SLCO3A1: variants seen among roughly 807,000 people sequenced by gnomAD.
The protein encoded by SLCO3A1 is PGE1 transporter.
In SLCO3A1, 27 loss-of-function variants were observed where a neutral mutation model predicts 63.1. That is an observed-to-expected ratio of 0.43 (90% CI 0.32 to 0.59). The LOEUF (loss-of-function observed/expected upper bound fraction) is 0.59. SLCO3A1 is among the 20% of genes least tolerant of loss of function. SLCO3A1 has a pLI of 0.09. For missense variants in SLCO3A1, 773 were observed against 945.8 expected, an observed-to-expected ratio of 0.82 and a Z score of 2.40; for synonymous variants, 473 against 409.9, an observed-to-expected ratio of 1.15 and a Z score of -1.86.
intron 2 of SLCO3A1, among the ~76,000 whole-genome samples, chr15:92,086,701 C>A (rs564283628): frequency 5.3e-5 from 8 of 152,104 alleles, no homozygotes; most frequent in African/African-American, 1.9e-4. Context: ...TTCAGCCGGG[C>A]GCAGTGGCTC....
intron 2 of SLCO3A1, among the ~76,000 whole-genome samples, chr15:92,062,712 C>G (rs750842701): frequency 6.6e-6 from 1 of 152,164 alleles, no homozygotes; most frequent in Non-Finnish European, 1.5e-5. Flanking sequence ...TCTGACATGC[C>G]AGGTCACTCT....
chr15:92,165,070 T>C lies in SLCO3A1; in HGVS notation c.*1935T>C, dbSNP rs2048482513. The C allele has an allele frequency of 1.0e-6, 1 of 985,202 alleles. No individual in the cohort carries two copies. The highest frequency in any genetic ancestry group is 1.2e-6 in the Non-Finnish European group (1 of 829,880). 61.0% of individuals were successfully genotyped at this position (985,202 alleles called of 1,614,324 possible). The stretch of plus-strand genomic sequence containing the variant: ...ATGGTTGGGAGTGGGACAGGTATGG[T>C]ACCGAATTTTTAATGAACATTGTAA... On this transcript the variant is annotated 3_prime_UTR_variant, in exon 10 of 10. Transcript: ENST00000318445.
At chr15:91,892,526 T>G (rs188374033) in intron 1 of SLCO3A1, among the ~76,000 whole-genome samples, 5 of 152,212 alleles carry the variant, frequency 3.3e-5, no homozygotes, top group Non-Finnish European at 5.9e-5. Context: ...AGTATTTTCC[T>G]GACCTGCATT....
downstream of SLCO3A1, among the ~76,000 whole-genome samples, chr15:92,169,322 C>T (rs1460387763): frequency 6.6e-6 from 1 of 152,156 alleles, no homozygotes; most frequent in Admixed American, 6.5e-5. Flanking sequence ...CCAGACAGAC[C>T]CATAACCACT....
chr15:92,056,122 C>G (rs12911260), intron 2 of SLCO3A1, among the ~76,000 whole-genome samples: 93,226 of 151,864 alleles, frequency 0.61, 30,179 homozygotes, highest in Admixed American at 0.77. Context: ...CTAGTAACAC[C>G]TGGGGCTTGC....
intron 2 of SLCO3A1, among the ~76,000 whole-genome samples, chr15:92,071,313 G>A (rs1320233466): frequency 6.6e-6 from 1 of 152,174 alleles, no homozygotes; most frequent in African/African-American, 2.4e-5. Context: ...ACTGTCTGCA[G>A]GGCAAGCATT....
chr15:92,016,204 T>TATAGATACATAGATAGATAGATAG (rs58884056), intron 2 of SLCO3A1, among the ~76,000 whole-genome samples: 11 of 120,120 alleles, frequency 9.2e-5, no homozygotes, highest in Admixed American at 4.3e-4. Flanking sequence ...TATATATTTA[T>TATAGATACATAGATAGATAGATAG]ATAGATAGAT....
rs553250238 is a variant in SLCO3A1 at position 91,883,800 on chromosome 15, T to C, written c.180+29712T>C. Among the ~76,000 whole-genome samples the C allele has an allele frequency of 6.6e-6, 1 of 152,358 alleles. No individual in the cohort carries two copies. Among genetic ancestry groups the C allele is most frequent in the South Asian group, 2.1e-4 (1 of 4,830 alleles). On this transcript the variant is annotated intron_variant, in intron 1 of 9. Transcript: ENST00000318445. This position sits in a 1 kb window ranked among gnomAD's most constrained non-coding sequence, Gnocchi z 4.8. ...AGTAGTGTAGCATCCTGATAGTACA[T>C]CACAGTTGCTACACTCACTTCTGTG... is the stretch of plus-strand genomic sequence containing the variant.
chr15:92,157,934 T>A (rs967418030), intron 9 of SLCO3A1, among the ~76,000 whole-genome samples: 1 of 152,208 alleles, frequency 6.6e-6, no homozygotes, highest in Non-Finnish European at 1.5e-5. Flanking sequence ...AGTTCCCAAG[T>A]GGCGGAATTA....
intron 2 of SLCO3A1, among the ~76,000 whole-genome samples, chr15:92,020,173 C>A (rs1299065986): frequency 9.9e-5 from 15 of 152,150 alleles, no homozygotes; most frequent in Admixed American, 9.8e-4. Flanking sequence ...CTTGTAGCTT[C>A]AGTGTATATG....
At chr15:92,125,902 C>G (rs1464781704) in intron 5 of SLCO3A1, among the ~76,000 whole-genome samples, 159 bp from the exon 6 acceptor site, 1 of 151,374 alleles carries the variant, frequency 6.6e-6, no homozygotes, top group Non-Finnish European at 1.5e-5. Flanking sequence ...GGGCATAAAT[C>G]AGGCCCTTCC....
At chr15:92,131,364 C>CTTTTTT (rs1176368440) in intron 7 of SLCO3A1, among the ~76,000 whole-genome samples, 1 of 127,124 alleles carries the variant, frequency 7.9e-6, no homozygotes, top group Non-Finnish European at 1.7e-5. Context: ...CCTCCCACCT[C>CTTTTTT]TTTTTTTTTT....
rs147320742 is a variant in SLCO3A1, at chr15:92,071,286, C to G, written c.647-23595C>G. On this transcript the variant is annotated intron_variant, in intron 2 of 9. Coordinates refer to ENST00000318445, the MANE Select transcript of SLCO3A1 (RefSeq NM_013272.4). ...AGCGTGAGGATGAAGACAGGTTGCC[C>G]AAGCCTGGAGAGGCCCACTGTCTGC... 4.4e-3 allele frequency among the ~76,000 whole-genome samples: 669 copies of G among 152,274 alleles called. 4 individuals are homozygous for G. The highest frequency in any genetic ancestry group is 0.015 in the African/African-American group (643 of 41,538).
intron 2 of SLCO3A1, among the ~76,000 whole-genome samples, chr15:91,989,040 C>T (rs914357203): frequency 6.6e-6 from 1 of 152,180 alleles, no homozygotes; most frequent in Non-Finnish European, 1.5e-5. Flanking sequence ...CTCTCCGTAA[C>T]CTGACTCTTC....
rs192609692 is a variant in SLCO3A1, at chr15:91,992,416, C to G, written c.646+75958C>G. Among the ~76,000 whole-genome samples the G allele has an allele frequency of 5.9e-3, 896 of 152,278 alleles. 9 individuals carry two copies. The highest frequency in any genetic ancestry group is 0.02 in the African/African-American group (845 of 41,552). On this transcript the variant is annotated intron_variant, in intron 2 of 9. Coordinates refer to ENST00000318445, the MANE Select transcript of SLCO3A1 (RefSeq NM_013272.4). ...GCTCTGACCTCGTGAAGGTTATGAC[C>G]GCCAGTGACTCCTTTCTTGACCCTG... is the stretch of plus-strand genomic sequence containing the variant.
At chr15:92,159,630 G>A (rs935529914) in intron 9 of SLCO3A1, among the ~76,000 whole-genome samples, 2 of 147,276 alleles carry the variant, frequency 1.4e-5, no homozygotes, top group Non-Finnish European at 3.0e-5. Flanking sequence ...GCAGTGGCGT[G>A]ATCATGGCTC....
chr15:92,142,124 CAT>C lies in SLCO3A1; in HGVS notation c.1513-4859_1513-4858del, dbSNP rs1567141814. The stretch of plus-strand genomic sequence containing the variant: ...TTGCCTAGAACCTTTAGGAGAGATC[CAT>C]CCATTTCCAGCTTTTCCTCTTGGAC... On this transcript the variant is annotated intron_variant, in intron 7 of 9. Coordinates refer to ENST00000318445, the MANE Select transcript of SLCO3A1 (RefSeq NM_013272.4). 2.6e-5 allele frequency among the ~76,000 whole-genome samples: 4 copies of C among 152,310 alleles called. No homozygotes were observed. The East Asian group carries it at 7.7e-4, about 29-fold the overall frequency.
At chr15:91,926,337 A>G (rs1029631777) in intron 2 of SLCO3A1, among the ~76,000 whole-genome samples, 1 of 152,214 alleles carries the variant, frequency 6.6e-6, no homozygotes, top group African/African-American at 2.4e-5. Flanking sequence ...TTAATAGCAC[A>G]TTGCGTATGT....
intron 2 of SLCO3A1, among the ~76,000 whole-genome samples, chr15:92,040,082 C>T (rs1220057940): frequency 6.6e-6 from 1 of 152,028 alleles, no homozygotes; most frequent in South Asian, 2.1e-4. Flanking sequence ...AGCATTAGGA[C>T]AAATAGTTAA....
Sources: gnomAD v4.1 joint callset for allele counts (sites outside exome capture counted in the v4.1 genomes callset) on GRCh38, gnomAD v4.1.1 for gene constraint, Gnocchi (gnomAD v3.1) non-coding constraint, MANE v1.5 for transcripts, NCBI Gene and HGNC (gene_info 2026-07-23, HGNC 2026-07-21) for gene names.